The following AGMO variants were observed in gnomAD, a reference collection of about 807,000 sequenced individuals.
The protein encoded by AGMO is alkylglycerol monooxygenase, also known as glyceryl-ether monooxygenase.
In AGMO, 75 loss-of-function variants were observed where a neutral mutation model predicts 60.2. The observed-to-expected ratio is 1.25, with a 90% confidence interval of 1.03 to 1.51. The LOEUF (loss-of-function observed/expected upper bound fraction) is 1.51. AGMO is among the 40% of genes most tolerant of loss of function. The probability of loss-of-function intolerance (pLI) is 0.00; values close to 1 mark genes in which losing one functional copy is unlikely to be tolerated. For missense variants in AGMO, 763 were observed against 525.5 expected (o/e 1.45, Z -4.42); for synonymous variants, 261 against 177.1 (o/e 1.47, Z -3.76).
chr7:15,239,132 A>G (rs1313966419), intron 12 of AGMO, among the ~76,000 whole-genome samples: 1 of 152,110 alleles, frequency 6.6e-6, no homozygotes, highest in Non-Finnish European at 1.5e-5. Flanking sequence ...CTGCTCTCCA[A>G]GCACCATCAA....
At chr7:15,461,419 T>C (rs758597786) in intron 3 of AGMO, among the ~76,000 whole-genome samples, 29 of 151,938 alleles carry the variant, frequency 1.9e-4, no homozygotes, top group Non-Finnish European at 4.1e-4. Context: ...TGTTAGCACC[T>C]CTGGATAGTA....
chr7:15,134,531 C>A, the AGMO span, among the ~76,000 whole-genome samples: 1 of 152,184 alleles, frequency 6.6e-6, no homozygotes, highest in Admixed American at 6.5e-5. Flanking sequence ...TTAGCTCCCA[C>A]TTAAAAGGCA....
At chr7:15,303,325 T>C (rs1780508290) in intron 12 of AGMO, among the ~76,000 whole-genome samples, 1 of 152,124 alleles carries the variant, frequency 6.6e-6, no homozygotes, top group South Asian at 2.1e-4. Context: ...TATTTTTGTA[T>C]TTAAGATACA....
At chr7:15,548,000 C>A (rs527415156) in intron 2 of AGMO, among the ~76,000 whole-genome samples, 47 of 152,108 alleles carry the variant, frequency 3.1e-4, no homozygotes, top group South Asian at 6.2e-4. Flanking sequence ...TCAAGTGGGT[C>A]CCTGACCCCT....
intron 12 of AGMO, among the ~76,000 whole-genome samples, chr7:15,340,255 A>G (rs1466514874): frequency 6.6e-6 from 1 of 152,054 alleles, no homozygotes. Context: ...ACTGTGACCC[A>G]TCACATGTCA....
At chr7:15,444,106 A>G (rs1781636550) in intron 3 of AGMO, among the ~76,000 whole-genome samples, 1 of 152,030 alleles carries the variant, frequency 6.6e-6, no homozygotes. Flanking sequence ...TCATCTTCGT[A>G]TTTTCCACAG....
At chr7:15,436,279 C>T (rs1408227909) in intron 3 of AGMO, among the ~76,000 whole-genome samples, 1 of 151,562 alleles carries the variant, frequency 6.6e-6, no homozygotes, top group Non-Finnish European at 1.5e-5. Flanking sequence ...ATTTATTTTT[C>T]ACAGTCCCTG....
intron 12 of AGMO, among the ~76,000 whole-genome samples, chr7:15,354,323 T>C (rs1435514998): frequency 0.012 from 689 of 55,246 alleles, 133 homozygotes; most frequent in African/African-American, 0.063. Context: ...CGCGTGTATA[T>C]ACGTACGCGT....
At chr7:15,210,270 C>T (rs1781550806) in intron 12 of AGMO, among the ~76,000 whole-genome samples, 1 of 152,122 alleles carries the variant, frequency 6.6e-6, no homozygotes, top group African/African-American at 2.4e-5. Flanking sequence ...ATTTGCATTA[C>T]ATTTTCTTTT....
chr7:15,135,188 G>C, the AGMO span, among the ~76,000 whole-genome samples: 1 of 150,616 alleles, frequency 6.6e-6, no homozygotes, highest in Non-Finnish European at 1.5e-5. Context: ...GTGTGTGTGT[G>C]TGTCTGCGTG....
chr7:15,481,852 G>C (rs889595823), intron 3 of AGMO, among the ~76,000 whole-genome samples: 2 of 138,972 alleles, frequency 1.4e-5, no homozygotes, highest in Non-Finnish European at 3.0e-5. Context: ...GGAAATAGCA[G>C]TGTATGTTCT....
intron 3 of AGMO, among the ~76,000 whole-genome samples, chr7:15,500,551 G>T (rs183551711): frequency 6.6e-6 from 1 of 151,862 alleles, no homozygotes; most frequent in Admixed American, 6.6e-5. Flanking sequence ...AAAGTTTCTA[G>T]AATAGCACAA....
Position 15,365,600 on chromosome 7 carries a change from C to T in AGMO, c.1177G>A (p.Glu393Lys). The change falls in exon 12 of 13, where the codon GAA (glutamate) becomes AAA (lysine). Residue 393 changes from glutamate to lysine, a missense_variant. Glu to Lys is a moderately conservative substitution (Grantham distance 56). Coordinates refer to ENST00000342526, the MANE Select transcript of AGMO (RefSeq NM_001004320.2). ...LDQRPKAAIM[E>K]TLRCLMFLML... ...AAGAACATCAAGCAACGGAGAGTTT[C>T]CATAATAGCTGCCTTGGGTCTGAAA... 1 of 1,612,438 alleles carries T rather than the reference C, an allele frequency of 6.2e-7. No individual in the cohort carries two copies. The highest frequency in any genetic ancestry group is 1.1e-5 in the South Asian group (1 of 90,988).
chr7:15,183,139 T>TTA, the AGMO span, among the ~76,000 whole-genome samples: 1 of 151,746 alleles, frequency 6.6e-6, no homozygotes, highest in East Asian at 1.9e-4. Context: ...CTTTTTTTTT[T>TTA]TATAATGATG....
At chr7:15,543,604 G>A (rs1784689709) in intron 3 of AGMO, among the ~76,000 whole-genome samples, 1 of 151,958 alleles carries the variant, frequency 6.6e-6, no homozygotes, top group African/African-American at 2.4e-5. Context: ...CTGTTGCAGG[G>A]TCCTTCTGAA....
At chr7:15,491,187 G>A (rs1167110967) in intron 3 of AGMO, among the ~76,000 whole-genome samples, 3 of 152,234 alleles carry the variant, frequency 2.0e-5, no homozygotes, top group South Asian at 2.1e-4. Context: ...AAATGACAGC[G>A]GAAAGACCCT....
chr7:15,144,411 A>G, the AGMO span, among the ~76,000 whole-genome samples: 5 of 152,222 alleles, frequency 3.3e-5, no homozygotes, highest in Non-Finnish European at 5.9e-5. Context: ...AAAATTAAAA[A>G]ATAGTAATTA....
chr7:15,421,199 G>A (rs929680269), intron 4 of AGMO, among the ~76,000 whole-genome samples: 1 of 152,112 alleles, frequency 6.6e-6, no homozygotes, highest in South Asian at 2.1e-4. Context: ...ACAGACCTCA[G>A]GGAATCCATG....
chr7:15,194,723 G>A, the AGMO span, among the ~76,000 whole-genome samples: 1 of 152,130 alleles, frequency 6.6e-6, no homozygotes, highest in African/African-American at 2.4e-5. Context: ...AATTTGGTGG[G>A]GAGGGGCTCA....
Sources: gnomAD v4.1 joint callset for allele counts (sites outside exome capture counted in the v4.1 genomes callset) on GRCh38, gnomAD v4.1.1 for gene constraint, MANE v1.5 for transcripts, NCBI Gene and HGNC (gene_info 2026-07-23, HGNC 2026-07-21) for gene names.